The following PLCG2 variants were observed in gnomAD, a reference collection of about 807,000 sequenced individuals.
PLCG2 encodes 1-phosphatidylinositol 4,5-bisphosphate phosphodiesterase gamma-2.
A neutral mutation model predicts 175.6 loss-of-function variants in PLCG2; 69 were observed. The ratio of observed to expected loss-of-function variants is 0.39; its 90% CI spans 0.32 to 0.48. The LOEUF is 0.48. Ranked by LOEUF, PLCG2 falls within the 20% of genes least tolerant of loss-of-function variation. PLCG2 has a pLI of 0.91. For synonymous variants in PLCG2, 827 were observed against 624.0 expected (o/e 1.33, Z -4.85); for missense variants, 1,798 against 1,650.9 (o/e 1.09, Z -1.54).
chr16:81,756,763 C>T (rs1909937665), intron 2 of PLCG2, among the ~76,000 whole-genome samples: 1 of 152,184 alleles, frequency 6.6e-6, no homozygotes, highest in Admixed American at 6.5e-5. Context: ...GCCCAAACAA[C>T]AAAGCTGCGT....
chr16:81,924,218 G>C (rs7197171), intron 22 of PLCG2, among the ~76,000 whole-genome samples: 151,235 of 152,390 alleles, frequency 0.99, 75,057 homozygotes, highest in East Asian at 1. Context: ...GGTTTCTGGG[G>C]AAGTGGTTTT....
chr16:81,887,006 G>A (rs1321557059), intron 9 of PLCG2, among the ~76,000 whole-genome samples: 1 of 152,060 alleles, frequency 6.6e-6, no homozygotes, highest in African/African-American at 2.4e-5. Flanking sequence ...CCAGTCCAGG[G>A]CCAGGTTATA....
At chr16:81,787,925 A>G (rs1567464189) in intron 2 of PLCG2, among the ~76,000 whole-genome samples, 1 of 152,150 alleles carries the variant, frequency 6.6e-6, no homozygotes, top group Non-Finnish European at 1.5e-5. Context: ...TGGCAGAATC[A>G]CGATACGTTG....
At chr16:81,844,670 C>T (rs945740798) in intron 2 of PLCG2, among the ~76,000 whole-genome samples, 4 of 152,234 alleles carry the variant, frequency 2.6e-5, no homozygotes, top group African/African-American at 9.6e-5. Flanking sequence ...GAACCTCGTA[C>T]AGCAGGTCTA....
At chr16:81,854,411 G>A (rs1268697613) in intron 2 of PLCG2, 33 bp from the exon 3 acceptor site, 2 of 1,609,064 alleles carry the variant, frequency 1.2e-6, no homozygotes, top group Non-Finnish European at 1.7e-6. Context: ...GGGAACTCCA[G>A]CTTCTAATTG....
At chr16:81,846,464 C>T (rs1040103979) in intron 2 of PLCG2, among the ~76,000 whole-genome samples, 8 of 152,250 alleles carry the variant, frequency 5.3e-5, no homozygotes, top group African/African-American at 1.9e-4. Context: ...CCTATGATAA[C>T]ATGCAAAACA....
chr16:81,910,144 G>A (rs1039097183), intron 17 of PLCG2, among the ~76,000 whole-genome samples: 2 of 152,178 alleles, frequency 1.3e-5, no homozygotes, highest in Non-Finnish European at 2.9e-5. Flanking sequence ...AGGCTGGAGT[G>A]CAGTGGCGTG....
intron 11 of PLCG2, among the ~76,000 whole-genome samples, chr16:81,892,985 C>T (rs903690538): frequency 8.6e-5 from 13 of 151,738 alleles, no homozygotes; most frequent in Non-Finnish European, 1.6e-4. Flanking sequence ...GCTGGGACTC[C>T]GGGCACGAGC....
At chr16:81,881,445 G>A (rs1908075344) in intron 8 of PLCG2, among the ~76,000 whole-genome samples, 1 of 152,188 alleles carries the variant, frequency 6.6e-6, no homozygotes, top group Non-Finnish European at 1.5e-5. Context: ...CATTCACTGT[G>A]CCTCATGATT....
intron 2 of PLCG2, among the ~76,000 whole-genome samples, chr16:81,847,487 C>T (rs1457658298): frequency 6.6e-6 from 1 of 151,938 alleles, no homozygotes; most frequent in African/African-American, 2.4e-5. Flanking sequence ...CCCCTGGCAG[C>T]CAACCTTCAT....
At chr16:81,859,189 A>G in intron 5 of PLCG2, 26 bp downstream of exon 5, 1 of 1,492,912 alleles carries the variant, frequency 6.7e-7, no homozygotes, top group Non-Finnish European at 9.3e-7. Flanking sequence ...TTTTTTTCTG[A>G]TCACTTTGGA....
At chr16:81,937,493 TTA>T (rs1910763494) in intron 27 of PLCG2, 1 of 323,520 alleles carries the variant, frequency 3.1e-6, no homozygotes, top group Non-Finnish European at 5.7e-6. Context: ...CCTATGCAAT[TTA>T]TTGCTACATA....
chr16:81,869,151 C>T (rs1907389585), intron 5 of PLCG2, 63 bp from the exon 6 acceptor site: 2 of 1,221,622 alleles, frequency 1.6e-6, no homozygotes, highest in Non-Finnish European at 1.2e-6. Context: ...CTGATGGGAG[C>T]AGCTAAATCC....
chr16:81,875,399 T>C (rs1192147445), intron 7 of PLCG2, among the ~76,000 whole-genome samples: 2 of 152,184 alleles, frequency 1.3e-5, no homozygotes, highest in Admixed American at 6.5e-5. Context: ...TACTGCAGGG[T>C]AGTAAGCTGC....
intron 31 of PLCG2, among the ~76,000 whole-genome samples, chr16:81,952,588 A>G (rs1911410632): frequency 6.6e-6 from 1 of 152,226 alleles, no homozygotes; most frequent in Admixed American, 6.5e-5. Flanking sequence ...AGCGCTCCCA[A>G]TGGCCACAGC....
chr16:81,930,174 A>T (rs551663713), intron 24 of PLCG2, among the ~76,000 whole-genome samples: 66 of 152,290 alleles, frequency 4.3e-4, no homozygotes, highest in African/African-American at 1.6e-3. Flanking sequence ...TCAAAATTAA[A>T]AAAATAAAAT....
intron 30 of PLCG2, among the ~76,000 whole-genome samples, chr16:81,944,659 G>C (rs1269504709): frequency 3.3e-5 from 5 of 152,106 alleles, no homozygotes; most frequent in Non-Finnish European, 4.4e-5. Flanking sequence ...ATTTCTTGTA[G>C]AGATGGGGGT....
chr16:81,769,548 C>T (rs774030335), intron 2 of PLCG2, among the ~76,000 whole-genome samples: 1 of 152,116 alleles, frequency 6.6e-6, no homozygotes, highest in Admixed American at 6.5e-5. Flanking sequence ...GGCGCGGTGG[C>T]TCACGCCTGT....
At chr16:81,770,206 C>T (rs1313941633) in intron 2 of PLCG2, among the ~76,000 whole-genome samples, 2 of 152,186 alleles carry the variant, frequency 1.3e-5, no homozygotes, top group Admixed American at 1.3e-4. Context: ...ATCACCCACA[C>T]CCCAACCGAG....
Sources: gnomAD v4.1 joint callset for allele counts (sites outside exome capture counted in the v4.1 genomes callset) on GRCh38, gnomAD v4.1.1 for gene constraint, MANE v1.5 for transcripts, NCBI Gene and HGNC (gene_info 2026-07-23, HGNC 2026-07-21) for gene names.